PARVB: variants seen among roughly 807,000 people sequenced by gnomAD.
The protein encoded by PARVB is parvin beta.
In PARVB, 46 loss-of-function variants were observed where a neutral mutation model predicts 47.0. The observed-to-expected ratio is 0.98, with a 90% CI of 0.77 to 1.25. PARVB has a LOEUF of 1.25. PARVB is among the 50% of genes most tolerant of loss of function. The probability of loss-of-function intolerance (pLI) is 0.00; values close to 1 mark genes in which losing one functional copy is unlikely to be tolerated. For synonymous variants in PARVB, 196 were observed against 196.3 expected (o/e 1.00, Z 0.01); for missense variants, 473 against 471.6 (o/e 1.00, Z -0.03).
chr22:44,065,502 G>A (rs754248480), intron 1 of PARVB, among the ~76,000 whole-genome samples: 1 of 152,030 alleles, frequency 6.6e-6, no homozygotes, highest in Non-Finnish European at 1.5e-5. Context: ...ACAGGTTTTT[G>A]GGGAACAGGT....
chr22:44,136,400 A>C (rs1217642110), intron 6 of PARVB, 60 bp from the exon 7 acceptor site: 15 of 1,451,044 alleles, frequency 1.0e-5, no homozygotes, highest in Non-Finnish European at 1.3e-5. Flanking sequence ...CTGCCCTGTC[A>C]GTGCATCTTT....
chr22:44,133,628 T>A (rs1252394013), intron 6 of PARVB, among the ~76,000 whole-genome samples: 1 of 152,202 alleles, frequency 6.6e-6, no homozygotes, highest in Non-Finnish European at 1.5e-5. Flanking sequence ...AGCCTCAACC[T>A]CTTGGGCTCA....
chr22:44,162,812 TA>T (rs1427227271), intron 11 of PARVB: 1 of 152,252 alleles, frequency 6.6e-6, no homozygotes, highest in Non-Finnish European at 1.5e-5. Flanking sequence ...GCTTTTATTT[TA>T]AACCTGTTCA....
At chr22:44,106,704 T>G (rs1043843974) in intron 3 of PARVB, 2 of 152,130 alleles carry the variant, frequency 1.3e-5, no homozygotes, top group African/African-American at 4.8e-5. Flanking sequence ...CCTCTTGTCT[T>G]GATTGCTTGT....
chr22:44,164,416 C>T (rs911246349), intron 12 of PARVB, among the ~76,000 whole-genome samples: 4 of 127,750 alleles, frequency 3.1e-5, no homozygotes, highest in Non-Finnish European at 7.7e-5. Context: ...CTGTCCCCCC[C>T]CCGGCTCCTG....
chr22:44,042,714 G>C (rs1265107641), intron 1 of PARVB, among the ~76,000 whole-genome samples: 1 of 152,220 alleles, frequency 6.6e-6, no homozygotes, highest in Non-Finnish European at 1.5e-5. Context: ...TCTTAACTGT[G>C]TGTGCAGCTG....
At chr22:44,043,451 T>C (rs2051055944) in intron 1 of PARVB, among the ~76,000 whole-genome samples, 1 of 152,174 alleles carries the variant, frequency 6.6e-6, no homozygotes, top group Non-Finnish European at 1.5e-5. Context: ...CGATCTCAGC[T>C]CACTGCAAGC....
chr22:44,055,049 T>G (rs1437857428), intron 1 of PARVB, among the ~76,000 whole-genome samples: 1 of 146,782 alleles, frequency 6.8e-6, no homozygotes, highest in African/African-American at 2.5e-5. Flanking sequence ...TTATGTTAAA[T>G]GTACCTTACT....
rs2047778602 is a variant in PARVB, at chr22:44,119,129, A to G, written c.365A>G (p.Gln122Arg). Residue 122 changes from glutamine (Q) to arginine (R), a missense_variant, in exon 4 of 13, where the codon CAG becomes CGG. Transcript: ENST00000338758. ...EEDLYDGQVL[Q>R]KLLEKLAGCK... The stretch of plus-strand genomic sequence containing the variant: ...GACCTGTATGACGGCCAGGTGCTGC[A>G]GAAGCTCTTGGGTGAGTTCACAGCA... The G allele has an allele frequency of 1.2e-6, 2 of 1,612,086 alleles. No individual in the cohort carries two copies. The highest frequency in any genetic ancestry group is 8.5e-7 in the Non-Finnish European group (1 of 1,178,130).
At chr22:44,107,359 T>G (rs1200919382) in intron 3 of PARVB, 6 of 152,264 alleles carry the variant, frequency 3.9e-5, no homozygotes, top group Admixed American at 1.3e-4. Flanking sequence ...GCTATTCTTA[T>G]GCTTTCCAGA....
At position 44,169,078 on chromosome 22, in the gene PARVB, C is replaced by CT; in HGVS notation, c.*400_*401insT. 2 of 175,878 alleles carry CT rather than the reference C, an allele frequency of 1.1e-5. No homozygotes were observed. The highest frequency in any genetic ancestry group is 4.9e-5 in the African/African-American group (2 of 40,832). 10.9% of individuals were successfully genotyped at this position (175,878 alleles called of 1,614,324 possible). A position where few individuals can be genotyped will look rare whatever the true frequency, so the allele number is the denominator to read the frequency against. The stretch of plus-strand genomic sequence containing the variant: ...TGCCTCATGGTGCAGTTAGCGATCA[C>CT]AGGCCTTCAGAAGTACAACATCAGC... On this transcript the variant is annotated 3_prime_UTR_variant, in exon 13 of 13. Coordinates refer to ENST00000338758, the MANE Select transcript of PARVB (RefSeq NM_013327.5).
rs752866641 is a variant in PARVB at position 44,069,308 on chromosome 22, C to T, written c.113-24620C>T. Reference sequence around the variant, plus strand: ...ACTTTTCCCAGGAAGGTGATGGGGACGTTGGTGTTAGGACGATGGGCAAGG... The same window carrying T: ...ACTTTTCCCAGGAAGGTGATGGGGATGTTGGTGTTAGGACGATGGGCAAGG... On this transcript the variant is annotated intron_variant, in intron 1 of 12. Coordinates refer to ENST00000338758, the MANE Select transcript of PARVB (RefSeq NM_013327.5). 12 of 747,768 alleles carry T rather than the reference C, an allele frequency of 1.6e-5. 1 individual carries two copies. Among genetic ancestry groups the T allele is most frequent in the South Asian group, 1.1e-4 (7 of 62,888 alleles). The allele number at this position is 747,768 out of a possible 1,614,324, so 46.3% of individuals were successfully genotyped here. A position where few individuals can be genotyped will look rare whatever the true frequency, so the allele number is the denominator to read the frequency against.
At chr22:44,101,452 A>G (rs1027604870) in intron 3 of PARVB, among the ~76,000 whole-genome samples, 1 of 146,598 alleles carries the variant, frequency 6.8e-6, no homozygotes, top group Non-Finnish European at 1.5e-5. Context: ...ATAAAATAAA[A>G]TAAAATCTAC....
At chr22:43,999,608 C>A in exon 2 of PARVB, 1 of 1,613,854 alleles carries the variant, frequency 6.2e-7, no homozygotes, top group Non-Finnish European at 8.5e-7. Context: ...GCTTCTCTGG[C>A]TGGTTCACTT....
chr22:44,119,073 G>A lies in PARVB; in HGVS notation c.309G>A (p.Glu103=). 6.2e-7 allele frequency: 1 copy of A among 1,614,176 alleles called. No individual in the cohort carries two copies. Among genetic ancestry groups the A allele is most frequent in the Non-Finnish European group, 8.5e-7 (1 of 1,180,008 alleles). The change falls in exon 4 of 13, where the codon GAG becomes GAA. Residue 103 remains glutamate (E), a synonymous_variant. Transcript: ENST00000338758. The part of the protein sequence containing the change: ...LLDWINDVLV[E]ERIIVKQLEE... ...ACTGGATTAATGACGTGCTGGTGGA[G>A]GAGAGGATCATTGTGAAGCAGCTGG...
At chr22:44,122,279 C>G (rs371855566) in intron 4 of PARVB, among the ~76,000 whole-genome samples, 1 of 152,168 alleles carries the variant, frequency 6.6e-6, no homozygotes, top group African/African-American at 2.4e-5. Context: ...TCACTTGAGC[C>G]GAAGAGTTTG....
intron 1 of PARVB, among the ~76,000 whole-genome samples, chr22:44,040,173 G>T (rs1440692083): frequency 1.3e-5 from 2 of 152,132 alleles, no homozygotes; most frequent in African/African-American, 4.8e-5. Flanking sequence ...CTTTAAATTT[G>T]TGCATTTCAT....
chr22:44,071,717 G>C (rs1024452755), intron 1 of PARVB, among the ~76,000 whole-genome samples: 3 of 152,202 alleles, frequency 2.0e-5, no homozygotes, highest in Non-Finnish European at 4.4e-5. Flanking sequence ...GGGCTGATTA[G>C]TGATGGGTGT....
chr22:44,127,633 C>T (rs2053216456), intron 4 of PARVB, among the ~76,000 whole-genome samples: 1 of 152,088 alleles, frequency 6.6e-6, no homozygotes, highest in South Asian at 2.1e-4. Flanking sequence ...AAAGGTCAGT[C>T]ACAAGGGAGG....
Sources: gnomAD v4.1 joint callset for allele counts (sites outside exome capture counted in the v4.1 genomes callset) on GRCh38, gnomAD v4.1.1 for gene constraint, MANE v1.5 for transcripts, NCBI Gene and HGNC (gene_info 2026-07-23, HGNC 2026-07-21) for gene names.